INTS7: variants seen among roughly 807,000 people sequenced by gnomAD.
INTS7 encodes the protein chromosome 1 open reading frame 73.
In INTS7, 46 loss-of-function variants were observed where a neutral mutation model predicts 109.2. The observed-to-expected ratio is 0.42, with a 90% CI of 0.33 to 0.54. The LOEUF (loss-of-function observed/expected upper bound fraction) is 0.54. Among genes scored for constraint, INTS7 ranks in the 20% least tolerant of loss-of-function variants. INTS7 has a pLI of 0.07. For synonymous variants in INTS7, 412 were observed against 402.9 expected (o/e 1.02, Z -0.27); for missense variants, 929 against 1,132.4 (o/e 0.82, Z 2.58).
intron 11 of INTS7, among the ~76,000 whole-genome samples, chr1:211,977,801 C>T (rs929164460): frequency 3.9e-5 from 6 of 152,114 alleles, no homozygotes; most frequent in African/African-American, 1.4e-4. Context: ...TAAACTGGAT[C>T]CTAAACAGCT....
At chr1:211,958,620 C>G (rs1663471771) in intron 16 of INTS7, among the ~76,000 whole-genome samples, 1 of 152,156 alleles carries the variant, frequency 6.6e-6, no homozygotes, top group East Asian at 1.9e-4. Flanking sequence ...CCCCCTTTCC[C>G]TCTTTCTGGG....
At chr1:211,961,338 C>T (rs1330540136) in intron 16 of INTS7, among the ~76,000 whole-genome samples, 1 of 151,718 alleles carries the variant, frequency 6.6e-6, no homozygotes, top group East Asian at 1.9e-4. Context: ...AAGGTCAGGC[C>T]ACCTACAAAG....
chr1:212,015,757 G>A (rs570569713), intron 4 of INTS7, among the ~76,000 whole-genome samples: 55 of 121,902 alleles, frequency 4.5e-4, no homozygotes, highest in African/African-American at 1.7e-3. Flanking sequence ...AACTTTTCAG[G>A]ATTCAAAAAA....
intron 17 of INTS7, among the ~76,000 whole-genome samples, chr1:211,950,938 C>T (rs1204310082): frequency 1.3e-5 from 2 of 152,154 alleles, no homozygotes; most frequent in Non-Finnish European, 2.9e-5. Context: ...GTATTTCTTT[C>T]AAAGACTGTC....
chr1:211,950,563 C>A (rs1220019134), intron 17 of INTS7, among the ~76,000 whole-genome samples: 1 of 152,184 alleles, frequency 6.6e-6, no homozygotes, highest in South Asian at 2.1e-4. Flanking sequence ...TGAGCCACTG[C>A]GCCCGACCGG....
chr1:211,966,164 G>A (rs886799529), intron 16 of INTS7: 22 of 224,796 alleles, frequency 9.8e-5, no homozygotes, highest in Non-Finnish European at 1.8e-4. Flanking sequence ...ATTTTTCGTA[G>A]TATAATTATA....
intron 14 of INTS7, 127 bp downstream of exon 14, chr1:211,968,386 T>A: frequency 1.3e-6 from 1 of 764,084 alleles, no homozygotes; most frequent in East Asian, 2.7e-5. Flanking sequence ...GCCAGACAGT[T>A]GAGTGAATAA....
rs11322485 is a variant in INTS7, at chr1:211,968,712, GAA to G, written c.1816-7_1816-6del. The G allele has an allele frequency of 0.036, 48,152 of 1,324,394 alleles. 1 individual carries two copies. The highest frequency in any genetic ancestry group is 0.048 in the South Asian group (3,452 of 71,940). 82.0% of individuals were successfully genotyped at this position (1,324,394 alleles called of 1,614,324 possible). On this transcript the variant is annotated splice_polypyrimidine_tract_variant and splice_region_variant and intron_variant, in intron 13 of 19. Transcript: ENST00000366994. Reference sequence around the variant, plus strand: ...ATTCAGTGGTGTACTAGCTGCCTGGGAAAAAAAAAAAAAAGAGATATTTAAGA... The same window carrying G: ...ATTCAGTGGTGTACTAGCTGCCTGGGAAAAAAAAAAAAGAGATATTTAAGA...
chr1:212,015,249 G>A (rs1571908199), intron 4 of INTS7, among the ~76,000 whole-genome samples: 1 of 152,198 alleles, frequency 6.6e-6, no homozygotes, highest in Admixed American at 6.5e-5. Context: ...CGACGATGGG[G>A]GTTTTGTCGA....
chr1:211,978,549 A>T (rs1334407793), intron 10 of INTS7, 38 bp from the exon 11 acceptor site: 1 of 1,611,766 alleles, frequency 6.2e-7, no homozygotes, highest in Non-Finnish European at 8.5e-7. Flanking sequence ...TTACATTTTG[A>T]AGATACAGAT....
At chr1:211,996,765 C>T (rs1039116437) in intron 7 of INTS7, among the ~76,000 whole-genome samples, 1 of 152,194 alleles carries the variant, frequency 6.6e-6, no homozygotes, top group Non-Finnish European at 1.5e-5. Flanking sequence ...TGGTACACGC[C>T]TATAACCCCA....
chr1:212,001,890 A>G (rs1665686226), intron 7 of INTS7, among the ~76,000 whole-genome samples: 1 of 152,104 alleles, frequency 6.6e-6, no homozygotes, highest in African/African-American at 2.4e-5. Flanking sequence ...CTCTAGCCAT[A>G]TTGTCTCCCT....
chr1:211,991,160 A>C (rs563660990), intron 7 of INTS7, among the ~76,000 whole-genome samples: 1 of 152,368 alleles, frequency 6.6e-6, no homozygotes. Flanking sequence ...TTCCATTTAA[A>C]AGACTGAAAT....
chr1:211,982,027 G>C (rs1664691016), intron 9 of INTS7, among the ~76,000 whole-genome samples: 1 of 152,150 alleles, frequency 6.6e-6, no homozygotes, highest in Non-Finnish European at 1.5e-5. Flanking sequence ...CTGAAGGCTA[G>C]GGGGGATAAG....
chr1:211,983,191 G>A (rs1664738463), intron 8 of INTS7, among the ~76,000 whole-genome samples: 1 of 151,850 alleles, frequency 6.6e-6, no homozygotes, highest in Non-Finnish European at 1.5e-5. Flanking sequence ...AGAGAAAAGA[G>A]AAAAAAATTT....
chr1:211,951,038 A>G (rs144146656), intron 17 of INTS7, among the ~76,000 whole-genome samples: 4 of 152,360 alleles, frequency 2.6e-5, no homozygotes, highest in Non-Finnish European at 4.4e-5. Context: ...ATGGAAAGCA[A>G]TATGTCAAAG....
Position 211,946,780 on chromosome 1 carries a change from A to C in INTS7, c.2317-75T>G. ...ATCAACAAGTGGTACATTCAGTATA[A>C]AACTACAAATGCCCATATAGATTAT... is the stretch of plus-strand genomic sequence containing the variant. On this transcript the variant is annotated intron_variant, in intron 17 of 19. Transcript: ENST00000366994. The surrounding 1 kb of genome is among the most constrained non-coding windows in gnomAD (Gnocchi z 4.3). 1.0e-6 allele frequency: 1 copy of C among 968,414 alleles called. No homozygotes were observed. The highest frequency in any genetic ancestry group is 1.6e-6 in the Non-Finnish European group (1 of 630,078). The allele number at this position is 968,414 out of a possible 1,614,324, so 60.0% of individuals were successfully genotyped here. A position where few individuals can be genotyped will look rare whatever the true frequency, so the allele number is the denominator to read the frequency against.
intron 17 of INTS7, among the ~76,000 whole-genome samples, chr1:211,949,204 G>C (rs888168120): frequency 1.3e-5 from 2 of 152,020 alleles, no homozygotes; most frequent in South Asian, 2.1e-4. Context: ...TGCTCTCCTT[G>C]TTGTCTTCTC....
At chr1:211,947,113 T>G (rs2102380596) in intron 17 of INTS7, among the ~76,000 whole-genome samples, 1 of 152,350 alleles carries the variant, frequency 6.6e-6, no homozygotes, top group South Asian at 2.1e-4. Context: ...GACTTTGGCT[T>G]TGAGCTGGCT....
Sources: allele counts gnomAD v4.1 joint callset (sites outside exome capture counted in the v4.1 genomes callset), GRCh38; gene constraint gnomAD v4.1.1; non-coding constraint Gnocchi (gnomAD v3.1); transcripts MANE v1.5; gene names NCBI Gene and HGNC (gene_info 2026-07-23, HGNC 2026-07-21).